CPNE8: variants seen among roughly 807,000 people sequenced by gnomAD.
CPNE8 encodes copine-8.
CPNE8 carries 45 observed loss-of-function variants against 81.5 expected under a neutral mutation model. The observed-to-expected ratio is 0.55, with a 90% CI of 0.44 to 0.71. The LOEUF (loss-of-function observed/expected upper bound fraction) is 0.71. Among genes scored for constraint, CPNE8 ranks in the 30% least tolerant of loss-of-function variants. The pLI is 0.00. For synonymous variants in CPNE8, 252 were observed against 226.3 expected (o/e 1.11, Z -1.02); for missense variants, 594 against 672.1 (o/e 0.88, Z 1.28).
At chr12:38,683,064 T>G (rs1479373160) in intron 16 of CPNE8, among the ~76,000 whole-genome samples, 1 of 152,210 alleles carries the variant, frequency 6.6e-6, no homozygotes, top group Non-Finnish European at 1.5e-5. Context: ...TTTTATAAAT[T>G]TGATGCTTTG....
Position 38,769,693 on chromosome 12 carries a change from A to G in CPNE8, c.472-1955T>C, listed in dbSNP as rs73273181. Among the ~76,000 whole-genome samples the G allele has an allele frequency of 6.6e-3, 1,004 of 152,302 alleles. 9 individuals are homozygous for G. The highest frequency in any genetic ancestry group is 0.022 in the African/African-American group (900 of 41,564). ...CCAAGAAACATTCTGTATACTTACA[A>G]TGCATAATAGATAAATGAAATGTGT... is the stretch of plus-strand genomic sequence containing the variant. On this transcript the variant is annotated intron_variant, in intron 7 of 19. Coordinates refer to ENST00000331366, the MANE Select transcript of CPNE8 (RefSeq NM_153634.3).
At chr12:38,732,443 T>C (rs1287089893) in intron 10 of CPNE8, among the ~76,000 whole-genome samples, 1 of 151,952 alleles carries the variant, frequency 6.6e-6, no homozygotes, top group African/African-American at 2.4e-5. Context: ...GATATTTGGT[T>C]CTCTTTTGTT....
At chr12:38,806,999 CA>C (rs1171522558) in intron 6 of CPNE8, among the ~76,000 whole-genome samples, 1 of 151,842 alleles carries the variant, frequency 6.6e-6, no homozygotes, top group East Asian at 1.9e-4. Context: ...CTCCCATTCA[CA>C]ACTGCTTCAA....
intron 14 of CPNE8, among the ~76,000 whole-genome samples, chr12:38,701,108 T>C (rs562451195): frequency 1.3e-5 from 2 of 152,288 alleles, no homozygotes; most frequent in South Asian, 4.2e-4. Flanking sequence ...GTAATTCTCT[T>C]GGTATCAAGA....
chr12:38,891,970 A>C (rs150336760), intron 1 of CPNE8, among the ~76,000 whole-genome samples: 87 of 152,374 alleles, frequency 5.7e-4, no homozygotes, highest in African/African-American at 1.9e-3. Flanking sequence ...AAAAAATTTT[A>C]AGTCAAAATA....
At chr12:38,685,647 A>G in intron 15 of CPNE8, 30 bp from the exon 16 acceptor site, 1 of 1,601,878 alleles carries the variant, frequency 6.2e-7, no homozygotes. Context: ...AAACAAAACA[A>G]AACAACAGTA....
intron 6 of CPNE8, among the ~76,000 whole-genome samples, chr12:38,791,187 C>A (rs905878800): frequency 6.6e-6 from 1 of 151,522 alleles, no homozygotes; most frequent in Non-Finnish European, 1.5e-5. Context: ...CTTTCCCAAC[C>A]CCTTCTTAAG....
In CPNE8 at chr12:38,690,428, T is replaced by A. The variant is rs1306177989; in HGVS notation, c.1143+3229A>T. Among the ~76,000 whole-genome samples, 3 of 152,182 alleles carry A rather than the reference T, an allele frequency of 2.0e-5. No homozygotes were observed. The East Asian group carries it at 5.8e-4, about 29-fold the overall frequency. ...TTTGAAAAAAATTAAAGTAATATAATCATTCGGTAATATTAAAGTTGAGGC... is the reference window on the plus strand; with the variant it reads ...TTTGAAAAAAATTAAAGTAATATAAACATTCGGTAATATTAAAGTTGAGGC... On this transcript the variant is annotated intron_variant, in intron 15 of 19. Transcript: ENST00000331366.
chr12:38,656,112 A>AC (rs1938810991), intron 19 of CPNE8, among the ~76,000 whole-genome samples: 1 of 151,726 alleles, frequency 6.6e-6, no homozygotes, highest in African/African-American at 2.4e-5. Flanking sequence ...TAAAAAAAAA[A>AC]CAAAAAACAA....
At chr12:38,811,532 A>G (rs1394573069) in intron 6 of CPNE8, among the ~76,000 whole-genome samples, 2 of 152,202 alleles carry the variant, frequency 1.3e-5, no homozygotes, top group East Asian at 1.9e-4. Flanking sequence ...AAAAAAGTCA[A>G]ACTTAGGTTC....
chr12:38,763,011 A>AGG (rs1941603366), intron 8 of CPNE8, among the ~76,000 whole-genome samples: 1 of 152,118 alleles, frequency 6.6e-6, no homozygotes, highest in Non-Finnish European at 1.5e-5. Flanking sequence ...GGCGCCTGCC[A>AGG]CTGCACCCAA....
At chr12:38,681,360 T>C (rs1939405917) in intron 16 of CPNE8, among the ~76,000 whole-genome samples, 1 of 152,042 alleles carries the variant, frequency 6.6e-6, no homozygotes, top group Non-Finnish European at 1.5e-5. Flanking sequence ...TTTTTCTTTC[T>C]ATTGTGATTA....
At chr12:38,747,266 T>C (rs1334898246) in intron 10 of CPNE8, among the ~76,000 whole-genome samples, 1 of 152,206 alleles carries the variant, frequency 6.6e-6, no homozygotes, top group Admixed American at 6.5e-5. Context: ...TTTGTGTCTC[T>C]TTCACACACA....
At chr12:38,835,260 T>A (rs1943361417) in intron 5 of CPNE8, among the ~76,000 whole-genome samples, 2 of 152,088 alleles carry the variant, frequency 1.3e-5, no homozygotes. Context: ...AGATTTTCAA[T>A]CATTCCCTCC....
intron 16 of CPNE8, chr12:38,679,845 C>T (rs900211771): frequency 3.2e-6 from 1 of 307,702 alleles, no homozygotes; most frequent in Admixed American, 6.5e-5. Flanking sequence ...AATTAACATG[C>T]TACAGAAATG....
At chr12:38,709,933 A>G (rs1940208093) in intron 13 of CPNE8, among the ~76,000 whole-genome samples, 1 of 152,054 alleles carries the variant, frequency 6.6e-6, no homozygotes, top group African/African-American at 2.4e-5. Context: ...TCTTTCCTTC[A>G]TGCACTCTGG....
chr12:38,884,519 A>T (rs1944211108), intron 1 of CPNE8, among the ~76,000 whole-genome samples: 1 of 152,160 alleles, frequency 6.6e-6, no homozygotes, highest in Admixed American at 6.5e-5. Context: ...TTTTATGCGG[A>T]CATATGGTTT....
At chr12:38,900,646 C>T in intron 1 of CPNE8, among the ~76,000 whole-genome samples, 1 of 152,132 alleles carries the variant, frequency 6.6e-6, no homozygotes, top group East Asian at 1.9e-4. Context: ...ACCTGTGTAG[C>T]CACAAAAGCA....
intron 6 of CPNE8, among the ~76,000 whole-genome samples, chr12:38,802,595 A>G (rs1260157575): frequency 6.8e-6 from 1 of 146,146 alleles, no homozygotes; most frequent in Non-Finnish European, 1.5e-5. Flanking sequence ...CACAATTAAA[A>G]GAACTATAAA....
Sources: allele counts gnomAD v4.1 joint callset (sites outside exome capture counted in the v4.1 genomes callset), GRCh38; gene constraint gnomAD v4.1.1; transcripts MANE v1.5; gene names NCBI Gene and HGNC (gene_info 2026-07-23, HGNC 2026-07-21).